MCM10: variants seen among roughly 807,000 people sequenced by gnomAD.
MCM10 encodes the protein protein MCM10 homolog.
MCM10 carries 91 observed loss-of-function variants against 109.9 expected under a neutral mutation model. That is an observed-to-expected ratio of 0.83 (90% confidence interval 0.70 to 0.99). MCM10 has a LOEUF of 0.99. Among genes scored for constraint, MCM10 ranks in the 50% least tolerant of loss-of-function variants. MCM10 has a pLI of 0.00. For missense variants in MCM10, 1,077 were observed against 1,061.2 expected, an observed-to-expected ratio of 1.01 and a Z score of -0.21; for synonymous variants, 380 against 387.2, an observed-to-expected ratio of 0.98 and a Z score of 0.22.
At chr10:13,176,314 C>G (rs1180297652) in intron 6 of MCM10, among the ~76,000 whole-genome samples, 1 of 152,096 alleles carries the variant, frequency 6.6e-6, no homozygotes, top group Non-Finnish European at 1.5e-5. Context: ...AAGCTATATT[C>G]AAATCTTGGA....
intron 13 of MCM10, among the ~76,000 whole-genome samples, chr10:13,194,454 G>A (rs1333738198): frequency 3.9e-5 from 6 of 152,206 alleles, no homozygotes; most frequent in Admixed American, 1.3e-4. Flanking sequence ...GCTGAGGCAC[G>A]AGAATCACTT....
At chr10:13,206,557 A>G (rs1395775579) in intron 18 of MCM10, among the ~76,000 whole-genome samples, 1 of 152,162 alleles carries the variant, frequency 6.6e-6, no homozygotes, top group Non-Finnish European at 1.5e-5. Context: ...CTGGCTTGCC[A>G]ATTTTTCACA....
At chr10:13,181,844 C>A (rs1834213682) in intron 7 of MCM10, among the ~76,000 whole-genome samples, 1 of 152,096 alleles carries the variant, frequency 6.6e-6, no homozygotes, top group Non-Finnish European at 1.5e-5. Flanking sequence ...TGAACTCTTC[C>A]AAGACAGGCA....
intron 18 of MCM10, 142 bp from the exon 19 acceptor site, chr10:13,208,949 A>G: frequency 1.5e-6 from 1 of 687,856 alleles, no homozygotes; most frequent in Non-Finnish European, 2.6e-6. Flanking sequence ...ATAACCTCAG[A>G]TTTGGCATAC....
intron 18 of MCM10, among the ~76,000 whole-genome samples, chr10:13,208,502 G>A (rs1176306118): frequency 1.4e-5 from 2 of 145,998 alleles, no homozygotes; most frequent in Non-Finnish European, 3.0e-5. Context: ...GGCTGAGGCA[G>A]GCAGATCACT....
intron 2 of MCM10, among the ~76,000 whole-genome samples, chr10:13,165,337 A>G (rs1833981784): frequency 6.6e-6 from 1 of 152,238 alleles, no homozygotes; most frequent in Admixed American, 6.5e-5. Flanking sequence ...ACCATGGAAA[A>G]TCAAAACCAC....
chr10:13,201,627 C>G, intron 17 of MCM10, 93 bp downstream of exon 17: 4 of 922,244 alleles, frequency 4.3e-6, no homozygotes, highest in Non-Finnish European at 6.8e-6. Context: ...ATCTGGGGCC[C>G]TATCTCGTGA....
At chr10:13,204,178 G>C (rs753154826) in intron 17 of MCM10, 41 bp from the exon 18 acceptor site, 2 of 1,600,636 alleles carry the variant, frequency 1.2e-6, no homozygotes, top group South Asian at 2.2e-5. Context: ...GTCCTCAAAG[G>C]CTCTTCACCG....
intron 7 of MCM10, among the ~76,000 whole-genome samples, chr10:13,181,684 A>C (rs570252802): frequency 2.6e-5 from 4 of 152,338 alleles, no homozygotes; most frequent in East Asian, 1.9e-4. Context: ...AACTTAAAAA[A>C]ATTTTAAAAA....
intron 17 of MCM10, 177 bp downstream of exon 17, chr10:13,201,711 C>T: frequency 3.4e-6 from 2 of 590,254 alleles, no homozygotes; most frequent in Non-Finnish European, 6.0e-6. Context: ...GACCTGGCTG[C>T]TGTGCTCTGC....
intron 11 of MCM10, 71 bp downstream of exon 11, chr10:13,191,470 A>T (rs1588474598): frequency 1.6e-6 from 2 of 1,264,816 alleles, no homozygotes; most frequent in East Asian, 4.6e-5. Flanking sequence ...AAAAGACTAC[A>T]CATTGGGTAC....
At chr10:13,207,107 TTC>T (rs1834592255) in intron 18 of MCM10, among the ~76,000 whole-genome samples, 1 of 152,164 alleles carries the variant, frequency 6.6e-6, no homozygotes, top group Non-Finnish European at 1.5e-5. Flanking sequence ...GCTTGGCTAG[TTC>T]TTGATCTAGA....
Position 13,180,535 on chromosome 10 carries a change from G to C in MCM10, c.858G>C (p.Glu286Asp), listed in dbSNP as rs779957179. Reference protein sequence around the residue: ...LSQIKEKMAREKLEEIDWVTF... With the variant: ...LSQIKEKMARDKLEEIDWVTF... ...AGATCAAGGAAAAGATGGCCAGAGA[G>C]AAGCTGGAAGAAATAGATTGGGTGA... The change falls in exon 7 of 20, where the codon GAG becomes GAC. Residue 286 changes from glutamate (E) to aspartate (D), a missense_variant. Physicochemically the swap from Glu to Asp is conservative, Grantham distance 45. Coordinates refer to ENST00000378714, the MANE Select transcript of MCM10 (RefSeq NM_018518.5). 6.2e-7 allele frequency: 1 copy of C among 1,614,152 alleles called. No homozygotes were observed. Among genetic ancestry groups the C allele is most frequent in the South Asian group, 1.1e-5 (1 of 91,084 alleles).
At chr10:13,187,585 G>C (rs1408175459) in intron 9 of MCM10, among the ~76,000 whole-genome samples, 1 of 152,208 alleles carries the variant, frequency 6.6e-6, no homozygotes, top group African/African-American at 2.4e-5. Flanking sequence ...AGCAATGGAT[G>C]AACTTTCCAG....
Position 13,172,303 on chromosome 10 carries a change from AT to A in MCM10, c.350-71del. ...GGGGCAGGGAGTGGACAACAAAAATATTGCCCGCATTTTTGTCATGTAGAAC... is the reference window on the plus strand; with the variant it reads ...GGGGCAGGGAGTGGACAACAAAAATATGCCCGCATTTTTGTCATGTAGAAC... On this transcript the variant is annotated intron_variant, in intron 3 of 19. Coordinates refer to ENST00000378714, the MANE Select transcript of MCM10 (RefSeq NM_018518.5). This position sits in a 1 kb window ranked among gnomAD's most constrained non-coding sequence, Gnocchi z 5.2. The A allele has an allele frequency of 8.9e-7, 1 of 1,127,706 alleles. No homozygotes were observed. Among genetic ancestry groups the A allele is most frequent in the Non-Finnish European group, 1.3e-6 (1 of 748,926 alleles). 69.9% of individuals were successfully genotyped at this position (1,127,706 alleles called of 1,614,324 possible).
At chr10:13,178,595 C>T (rs1834171016) in intron 6 of MCM10, among the ~76,000 whole-genome samples, 1 of 152,164 alleles carries the variant, frequency 6.6e-6, no homozygotes, top group African/African-American at 2.4e-5. Context: ...CAGTACCATG[C>T]TGTTTTGGTT....
intron 2 of MCM10, among the ~76,000 whole-genome samples, chr10:13,166,687 T>G (rs114699044): frequency 0.075 from 10,307 of 137,768 alleles, 958 homozygotes; most frequent in African/African-American, 0.19. Context: ...TATATATATA[T>G]ATCATCAGCT....
At chr10:13,196,732 C>T (rs546648662) in intron 14 of MCM10, among the ~76,000 whole-genome samples, 2 of 151,930 alleles carry the variant, frequency 1.3e-5, no homozygotes, top group East Asian at 2.0e-4. Context: ...AGGCTGGTTT[C>T]GAACTCCTGA....
chr10:13,205,309 A>T (rs1205433240), intron 18 of MCM10, among the ~76,000 whole-genome samples: 1 of 151,810 alleles, frequency 6.6e-6, no homozygotes, highest in Non-Finnish European at 1.5e-5. Context: ...GAGTTTTTTC[A>T]CTTAGGATAA....
Sources: allele counts gnomAD v4.1 joint callset (sites outside exome capture counted in the v4.1 genomes callset), GRCh38; gene constraint gnomAD v4.1.1; non-coding constraint Gnocchi (gnomAD v3.1); transcripts MANE v1.5; gene names NCBI Gene and HGNC (gene_info 2026-07-23, HGNC 2026-07-21).